The following LRMDA variants were observed in gnomAD, a reference collection of about 807,000 sequenced individuals.
LRMDA encodes the protein leucine-rich melanocyte differentiation-associated protein.
Under a neutral mutation model 29.8 loss-of-function variants are expected in LRMDA, and 18 were observed. The ratio of observed to expected loss-of-function variants is 0.60; its 90% confidence interval spans 0.42 to 0.90. LRMDA has a LOEUF of 0.90. LRMDA is among the 40% of genes least tolerant of loss of function. LRMDA has a pLI of 0.00. For missense variants in LRMDA, 273 were observed against 273.9 expected (o/e 1.00, Z 0.02); for synonymous variants, 125 against 109.4 (o/e 1.14, Z -0.89).
intron 5 of LRMDA, among the ~76,000 whole-genome samples, chr10:76,117,258 G>T (rs1197534360): frequency 6.6e-6 from 1 of 152,174 alleles, no homozygotes; most frequent in Non-Finnish European, 1.5e-5. Flanking sequence ...TTACTAAATT[G>T]TGTCAGTGAG....
In LRMDA at chr10:76,370,044, G is replaced by A. The variant is rs531976501; in HGVS notation, c.601+45559G>A. On this transcript the variant is annotated intron_variant, in intron 6 of 6. Transcript: ENST00000611255. Reference sequence around the variant, plus strand: ...ATTTAGGGTAAGGAGCAATAATGAGGTCCCATAAAAATAAAAAACCATGAT... The same window carrying A: ...ATTTAGGGTAAGGAGCAATAATGAGATCCCATAAAAATAAAAAACCATGAT... Among the ~76,000 whole-genome samples, 8 of 152,112 alleles carry A rather than the reference G, an allele frequency of 5.3e-5. No homozygotes were observed. The South Asian group carries it at 1.2e-3, about 24-fold the overall frequency.
chr10:75,989,026 G>A (rs1847311678), intron 2 of LRMDA, among the ~76,000 whole-genome samples: 1 of 152,096 alleles, frequency 6.6e-6, no homozygotes, highest in Admixed American at 6.5e-5. Context: ...CAGCCTCAGA[G>A]TCCTCCACGA....
At chr10:75,767,735 G>A (rs955893925) in intron 2 of LRMDA, among the ~76,000 whole-genome samples, 2 of 152,116 alleles carry the variant, frequency 1.3e-5, no homozygotes, top group South Asian at 2.1e-4. Flanking sequence ...AATGCCCCCC[G>A]AAAAGAGGTC....
chr10:76,336,489 G>T (rs774940002), intron 6 of LRMDA, among the ~76,000 whole-genome samples: 17 of 152,182 alleles, frequency 1.1e-4, no homozygotes, highest in Non-Finnish European at 2.4e-4. Flanking sequence ...TCCTTAGTCT[G>T]TGGGGTCAAA....
In LRMDA at chr10:75,692,219, AATATATAT is replaced by A. The variant is rs57600678; in HGVS notation, c.131+253747_131+253754del. Among the ~76,000 whole-genome samples the A allele has an allele frequency of 2.2e-3, 189 of 87,562 alleles. 2 individuals carry two copies. The highest frequency in any genetic ancestry group is 8.1e-3 in the African/African-American group (146 of 18,098). 57.4% of individuals were successfully genotyped at this position (87,562 alleles called of 152,430 possible). On this transcript the variant is annotated intron_variant, in intron 2 of 6. Transcript: ENST00000611255. ...CTTGTCTCTGGGGGGAAAAAAAAAA[AATATATAT>A]ATATATATATATATATATATACATA...
intron 2 of LRMDA, among the ~76,000 whole-genome samples, chr10:75,991,500 A>G (rs1394582120): frequency 6.6e-6 from 1 of 152,236 alleles, no homozygotes; most frequent in Admixed American, 6.5e-5. Flanking sequence ...TAAAATCAAC[A>G]TGTCATAACA....
intron 2 of LRMDA, among the ~76,000 whole-genome samples, chr10:75,458,372 A>G (rs1265312733): frequency 2.0e-5 from 3 of 152,156 alleles, no homozygotes; most frequent in African/African-American, 7.2e-5. Flanking sequence ...TGTAGATTGC[A>G]AAGTTATGGA....
chr10:76,463,226 T>C lies in LRMDA; in HGVS notation c.602-93983T>C, dbSNP rs377398938. Among the ~76,000 whole-genome samples, 5 of 152,036 alleles carry C rather than the reference T, an allele frequency of 3.3e-5. No homozygotes were observed. The East Asian group carries it at 7.7e-4, about 23-fold the overall frequency. ...AGCCAGAAAACCTTAAACCACAACT[T>C]CAATACTGTAATTGTGGGCCAGATG... On this transcript the variant is annotated intron_variant, in intron 6 of 6. Coordinates refer to ENST00000611255, the MANE Select transcript of LRMDA (RefSeq NM_001305581.2).
chr10:76,131,674 T>A (rs1414333135), intron 5 of LRMDA, among the ~76,000 whole-genome samples: 5 of 150,342 alleles, frequency 3.3e-5, no homozygotes, highest in Non-Finnish European at 7.4e-5. Context: ...TTTTTTTTTT[T>A]AAAGAAAAAC....
chr10:76,107,860 A>AC (rs1314800472), intron 5 of LRMDA, among the ~76,000 whole-genome samples: 1 of 152,144 alleles, frequency 6.6e-6, no homozygotes, highest in Non-Finnish European at 1.5e-5. Context: ...GCACCCATCA[A>AC]CCCATCATCT....
chr10:76,520,299 TGCA>T (rs1344795737), intron 6 of LRMDA, among the ~76,000 whole-genome samples: 10 of 152,126 alleles, frequency 6.6e-5, no homozygotes, highest in African/African-American at 2.2e-4. Flanking sequence ...GTTTAACTAT[TGCA>T]GCATTATTTC....
At chr10:76,173,786 G>C (rs758680114) in intron 5 of LRMDA, among the ~76,000 whole-genome samples, 3 of 151,816 alleles carry the variant, frequency 2.0e-5, no homozygotes, top group Non-Finnish European at 2.9e-5. Context: ...TCAGCCTCCC[G>C]AGTAGCTGGG....
At chr10:75,663,091 C>A (rs1160993935) in intron 2 of LRMDA, among the ~76,000 whole-genome samples, 1 of 152,134 alleles carries the variant, frequency 6.6e-6, no homozygotes. Flanking sequence ...GGATCTGACC[C>A]CTCCAAGGAA....
intron 3 of LRMDA, among the ~76,000 whole-genome samples, chr10:76,045,802 G>C (rs1848429220): frequency 6.6e-6 from 1 of 152,114 alleles, no homozygotes; most frequent in African/African-American, 2.4e-5. Flanking sequence ...TGTCAGAAAT[G>C]GAATGTGCTA....
At chr10:75,757,229 C>G (rs1240394964) in intron 2 of LRMDA, among the ~76,000 whole-genome samples, 3 of 152,224 alleles carry the variant, frequency 2.0e-5, no homozygotes, top group Non-Finnish European at 4.4e-5. Flanking sequence ...CTCCCAACCT[C>G]CCTTCCCCAT....
chr10:75,714,434 G>A (rs1842473673), intron 2 of LRMDA, among the ~76,000 whole-genome samples: 1 of 152,170 alleles, frequency 6.6e-6, no homozygotes, highest in African/African-American at 2.4e-5. Flanking sequence ...ATATTATATT[G>A]TATATTAATC....
intron 2 of LRMDA, among the ~76,000 whole-genome samples, chr10:75,585,600 C>T (rs1589194075): frequency 1.3e-5 from 2 of 152,230 alleles, no homozygotes; most frequent in South Asian, 2.1e-4. Flanking sequence ...GTGTTTTTAC[C>T]AACAGGGATG....
Position 76,461,636 on chromosome 10 carries a change from G to C in LRMDA, c.602-95573G>C, listed in dbSNP as rs955756156. Among the ~76,000 whole-genome samples, 10 of 152,278 alleles carry C rather than the reference G, an allele frequency of 6.6e-5. No individual in the cohort carries two copies. The East Asian group carries it at 1.9e-3, about 29-fold the overall frequency. ...CCTGACAGAGTGTTAAAGATAGGAG[G>C]GGGAGATGGTGAACTGGGAGAGCCA... On this transcript the variant is annotated intron_variant, in intron 6 of 6. Coordinates refer to ENST00000611255, the MANE Select transcript of LRMDA (RefSeq NM_001305581.2).
intron 2 of LRMDA, among the ~76,000 whole-genome samples, chr10:75,697,272 G>T (rs1842246914): frequency 1.3e-5 from 2 of 151,874 alleles, no homozygotes; most frequent in African/African-American, 4.8e-5. Flanking sequence ...GTCTGTTTCA[G>T]TAGAGTTAGA....
Sources: gnomAD v4.1 joint callset for allele counts (sites outside exome capture counted in the v4.1 genomes callset) on GRCh38, gnomAD v4.1.1 for gene constraint, MANE v1.5 for transcripts, NCBI Gene and HGNC (gene_info 2026-07-23, HGNC 2026-07-21) for gene names.